CHD9: variants seen among roughly 807,000 people sequenced by gnomAD.
CHD9 encodes the protein chromodomain helicase DNA binding protein 9, also known as ATP-dependent chromatin remodeler CHD9.
CHD9 carries 77 observed loss-of-function variants against 316.1 expected under a neutral mutation model. The observed-to-expected ratio is 0.24, with a 90% CI of 0.20 to 0.29. The LOEUF is 0.29. Among genes scored for constraint, CHD9 ranks in the 10% least tolerant of loss-of-function variants. The pLI is 1.00. For synonymous variants in CHD9, 1,129 were observed against 1,158.3 expected (o/e 0.97, Z 0.51); for missense variants, 2,763 against 3,438.1 (o/e 0.80, Z 4.91).
intron 2 of CHD9, among the ~76,000 whole-genome samples, chr16:53,204,123 C>CGTGTGTGTGTGT (rs59131817): frequency 1.4e-5 from 2 of 142,066 alleles, no homozygotes; most frequent in African/African-American, 2.6e-5. Context: ...ATCTAGATAA[C>CGTGTGTGTGTGT]GTGTGTGTGT....
chr16:53,171,853 C>CACACAG lies in CHD9; in HGVS notation c.1452+14317_1452+14318insGACACA, dbSNP rs1177373530. Among the ~76,000 whole-genome samples the CACACAG allele has an allele frequency of 4.2e-3, 278 of 66,360 alleles. 1 individual carries two copies. The highest frequency in any genetic ancestry group is 0.017 in the African/African-American group (254 of 14,814). The allele number at this position is 66,360 out of a possible 152,430, so 43.5% of individuals were successfully genotyped here. A position where few individuals can be genotyped will look rare whatever the true frequency, so the allele number is the denominator to read the frequency against. On this transcript the variant is annotated intron_variant, in intron 2 of 38. Transcript: ENST00000447540. ...AACCACACACACACACACACACACA[C>CACACAG]ACACACAGACACACACACACACACA...
chr16:53,135,431 A>G (rs1227025469), intron 1 of CHD9, among the ~76,000 whole-genome samples: 1 of 152,198 alleles, frequency 6.6e-6, no homozygotes, highest in African/African-American at 2.4e-5. Context: ...AGTCCAGGAA[A>G]AACATGATGG....
chr16:53,310,367 A>G (rs1289898890), intron 34 of CHD9, among the ~76,000 whole-genome samples: 1 of 152,054 alleles, frequency 6.6e-6, no homozygotes, highest in Non-Finnish European at 1.5e-5. Flanking sequence ...GGGGAAGATA[A>G]GCTGTGCGTT....
intron 1 of CHD9, among the ~76,000 whole-genome samples, chr16:53,060,838 T>C (rs934605035): frequency 2.0e-5 from 3 of 151,916 alleles, no homozygotes; most frequent in African/African-American, 7.3e-5. Flanking sequence ...GGAGGATCAC[T>C]TCAGACCAGG....
chr16:53,241,977 C>T (rs574285815), intron 12 of CHD9, among the ~76,000 whole-genome samples: 1 of 152,362 alleles, frequency 6.6e-6, no homozygotes, highest in African/African-American at 2.4e-5. Flanking sequence ...CCCCAACTCA[C>T]TGGGTTTCAA....
intron 2 of CHD9, among the ~76,000 whole-genome samples, chr16:53,187,641 G>A (rs148733755): frequency 3.3e-4 from 50 of 152,292 alleles, no homozygotes; most frequent in African/African-American, 1.2e-3. Context: ...ACTTTGTAAT[G>A]TTCCTGAATT....
chr16:53,125,285 G>A (rs183486848), intron 1 of CHD9, among the ~76,000 whole-genome samples: 426 of 143,844 alleles, frequency 3.0e-3, no homozygotes, highest in Non-Finnish European at 5.1e-3. Context: ...GTGCAGTGGC[G>A]CAATCTCAGC....
At chr16:53,160,319 G>A (rs529665950) in intron 2 of CHD9, among the ~76,000 whole-genome samples, 2 of 151,670 alleles carry the variant, frequency 1.3e-5, no homozygotes, top group African/African-American at 4.8e-5. Flanking sequence ...CATGTTTCCC[G>A]GGCTTTAAAA....
rs956430820 is a variant in CHD9, at chr16:53,132,176, T to TTTG, written c.-164-23736_-164-23734dup. Among the ~76,000 whole-genome samples the TTTG allele has an allele frequency of 2.5e-4, 38 of 152,146 alleles. 1 individual carries two copies. The South Asian group carries it at 5.8e-3, about 23-fold the overall frequency. On this transcript the variant is annotated intron_variant, in intron 1 of 38. Transcript: ENST00000447540. ...TTTTCAGAACAAAGTAGATGAGAAT[T>TTTG]TTGTTGTTGTTGTTGTGATATTAAC...
chr16:53,173,522 T>A (rs1446144564), intron 2 of CHD9, among the ~76,000 whole-genome samples: 1 of 152,098 alleles, frequency 6.6e-6, no homozygotes, highest in African/African-American at 2.4e-5. Flanking sequence ...TTTCTTTCTT[T>A]TGCTTTGTAC....
At chr16:53,130,812 G>C (rs1485871813) in intron 1 of CHD9, 3 of 151,960 alleles carry the variant, frequency 2.0e-5, no homozygotes, top group South Asian at 4.1e-4. Flanking sequence ...CTGGAGCCGC[G>C]GCAGGAGCGG....
At chr16:53,322,604 A>C (rs1014526205) in intron 38 of CHD9, among the ~76,000 whole-genome samples, 3 of 152,066 alleles carry the variant, frequency 2.0e-5, no homozygotes, top group Non-Finnish European at 4.4e-5. Context: ...AAAAAAAAAA[A>C]AACATATCTT....
intron 2 of CHD9, among the ~76,000 whole-genome samples, chr16:53,178,850 C>G (rs980880570): frequency 6.6e-6 from 1 of 152,064 alleles, no homozygotes; most frequent in Admixed American, 6.6e-5. Context: ...GGATTCTGGA[C>G]TTTAAATTGA....
At chr16:53,170,442 T>C (rs1483100158) in intron 2 of CHD9, among the ~76,000 whole-genome samples, 2 of 152,188 alleles carry the variant, frequency 1.3e-5, no homozygotes, top group African/African-American at 4.8e-5. Flanking sequence ...TGCTCATTAA[T>C]CTTTAAGTAC....
At chr16:53,265,067 C>T (rs2051519523) in intron 20 of CHD9, among the ~76,000 whole-genome samples, 2 of 152,026 alleles carry the variant, frequency 1.3e-5, no homozygotes, top group South Asian at 4.2e-4. Context: ...TGAAAATGTA[C>T]AATAAAGACT....
chr16:53,181,239 G>A (rs1303275032), intron 2 of CHD9, among the ~76,000 whole-genome samples: 1 of 152,094 alleles, frequency 6.6e-6, no homozygotes, highest in Non-Finnish European at 1.5e-5. Flanking sequence ...TTGAACTCCC[G>A]ACCTCAGGTG....
intron 1 of CHD9, among the ~76,000 whole-genome samples, chr16:53,134,381 G>A (rs569513253): frequency 5.0e-4 from 76 of 152,256 alleles, no homozygotes; most frequent in Admixed American, 1.8e-3. Context: ...ACTTATTTAC[G>A]TTGTAAATTT....
intron 7 of CHD9, 120 bp from the exon 8 acceptor site, chr16:53,228,863 T>C (rs1329135156): frequency 2.5e-5 from 13 of 517,210 alleles, no homozygotes; most frequent in Non-Finnish European, 4.5e-5. Context: ...TAAAGTTAAA[T>C]GATGAACTAC....
intron 1 of CHD9, among the ~76,000 whole-genome samples, chr16:53,058,878 G>C (rs137907200): frequency 1.1e-4 from 17 of 152,180 alleles, no homozygotes; most frequent in Admixed American, 4.6e-4. Context: ...TTGTTTTTAA[G>C]ACACAGGGTC....
Sources: gnomAD v4.1 joint callset for allele counts (sites outside exome capture counted in the v4.1 genomes callset) on GRCh38, gnomAD v4.1.1 for gene constraint, MANE v1.5 for transcripts, NCBI Gene and HGNC (gene_info 2026-07-23, HGNC 2026-07-21) for gene names.